TSGA10: variants seen among roughly 807,000 people sequenced by gnomAD.
The protein encoded by TSGA10 is testis-specific gene 10 protein.
TSGA10 carries 43 observed loss-of-function variants against 96.6 expected under a neutral mutation model. The ratio of observed to expected loss-of-function variants is 0.44; its 90% confidence interval spans 0.35 to 0.57. The LOEUF (loss-of-function observed/expected upper bound fraction) is 0.57, where lower values mean the gene tolerates loss of function less well. Among genes scored for constraint, TSGA10 ranks in the 20% least tolerant of loss-of-function variants. The probability of loss-of-function intolerance (pLI) is 0.01; values close to 1 mark genes in which losing one functional copy is unlikely to be tolerated. For missense variants in TSGA10, 703 were observed against 834.4 expected, an observed-to-expected ratio of 0.84 and a Z score of 1.94; for synonymous variants, 229 against 269.9, an observed-to-expected ratio of 0.85 and a Z score of 1.48.
At chr2:99,118,491 G>A (rs1026205068) in intron 3 of TSGA10, 60 bp downstream of exon 3, 6 of 522,732 alleles carry the variant, frequency 1.1e-5, no homozygotes, top group South Asian at 8.3e-5. Context: ...ATATATATAC[G>A]TATATATATG....
At chr2:99,081,231 G>C (rs779875840) in intron 11 of TSGA10, 51 bp downstream of exon 11, 1 of 1,048,624 alleles carries the variant, frequency 9.5e-7, no homozygotes, top group Non-Finnish European at 1.4e-6. Flanking sequence ...ATACATCTTT[G>C]CTACCAAACT....
chr2:99,036,400 T>G (rs2081629751), intron 16 of TSGA10, among the ~76,000 whole-genome samples: 1 of 152,152 alleles, frequency 6.6e-6, no homozygotes, highest in South Asian at 2.1e-4. Context: ...TCACTGTGGC[T>G]AGGTACATAT....
At chr2:99,067,793 GC>G (rs1483901537) in intron 15 of TSGA10, among the ~76,000 whole-genome samples, 2 of 151,602 alleles carry the variant, frequency 1.3e-5, no homozygotes, top group African/African-American at 4.9e-5. Flanking sequence ...GTTGCAGTGA[GC>G]CACGATTGCA....
chr2:99,090,778 T>C (rs2089231659), intron 10 of TSGA10, among the ~76,000 whole-genome samples: 1 of 152,244 alleles, frequency 6.6e-6, no homozygotes, highest in South Asian at 2.1e-4. Flanking sequence ...TTGGATTATG[T>C]TAAACAACCA....
At chr2:99,040,337 C>G (rs191881079) in intron 16 of TSGA10, among the ~76,000 whole-genome samples, 1 of 152,022 alleles carries the variant, frequency 6.6e-6, no homozygotes, top group Admixed American at 6.6e-5. Flanking sequence ...TGTCACTGTT[C>G]GCCAATTATA....
intron 12 of TSGA10, among the ~76,000 whole-genome samples, chr2:99,077,937 C>T (rs919286721): frequency 8.6e-5 from 13 of 151,882 alleles, no homozygotes; most frequent in Non-Finnish European, 1.5e-4. Flanking sequence ...TATTCACCAG[C>T]CCTATATGAT....
rs369236689 is a variant in TSGA10, at chr2:99,069,003, GA to G, written c.1108-6del. 1.0e-5 allele frequency: 14 copies of G among 1,395,340 alleles called. No individual in the cohort carries two copies. Among genetic ancestry groups the G allele is most frequent in the South Asian group, 5.3e-5 (3 of 56,220 alleles). The allele number at this position is 1,395,340 out of a possible 1,614,324, so 86.4% of individuals were successfully genotyped here. Reference sequence around the variant, plus strand: ...ATTCAATTTTTTGGACAGTGCCTACGAAAAAAAGATAGGTATATTTGACTAT... The same window carrying G: ...ATTCAATTTTTTGGACAGTGCCTACGAAAAAAGATAGGTATATTTGACTAT... On this transcript the variant is annotated splice_region_variant and splice_polypyrimidine_tract_variant and intron_variant, in intron 14 of 20. Transcript: ENST00000393483.
At chr2:99,045,787 G>A (rs1194190705) in intron 16 of TSGA10, among the ~76,000 whole-genome samples, 3 of 152,154 alleles carry the variant, frequency 2.0e-5, no homozygotes, top group Non-Finnish European at 2.9e-5. Flanking sequence ...ACACAGACTG[G>A]CAAATTTGAT....
At chr2:99,150,395 C>T in intron 1 of TSGA10, 1 of 726,196 alleles carries the variant, frequency 1.4e-6, no homozygotes, top group African/African-American at 1.8e-5. Flanking sequence ...TTTCTAGTAT[C>T]ACCACAGCTT....
chr2:99,054,235 A>G (rs1384200855), intron 16 of TSGA10, among the ~76,000 whole-genome samples: 1 of 152,204 alleles, frequency 6.6e-6, no homozygotes, highest in Non-Finnish European at 1.5e-5. Context: ...ATTTACAGTC[A>G]ATTGACCTTT....
intron 10 of TSGA10, 132 bp downstream of exon 10, chr2:99,103,835 T>A (rs1246595484): frequency 9.4e-7 from 1 of 1,060,750 alleles, no homozygotes; most frequent in African/African-American, 1.6e-5. Context: ...GTGCCAAGGG[T>A]TCCTACAACT....
intron 1 of TSGA10, among the ~76,000 whole-genome samples, chr2:99,146,568 T>C (rs1023424493): frequency 2.0e-5 from 3 of 152,208 alleles, no homozygotes; most frequent in Admixed American, 6.5e-5. Flanking sequence ...GTAACAGATA[T>C]TTTCTTCTAT....
intron 16 of TSGA10, among the ~76,000 whole-genome samples, chr2:99,055,007 G>T (rs1244870278): frequency 1.3e-5 from 2 of 152,102 alleles, no homozygotes; most frequent in Admixed American, 6.5e-5. Context: ...CCCACTTCTG[G>T]ATATACATCC....
At chr2:99,035,878 T>G (rs991633500) in intron 16 of TSGA10, among the ~76,000 whole-genome samples, 1 of 152,136 alleles carries the variant, frequency 6.6e-6, no homozygotes, top group Non-Finnish European at 1.5e-5. Context: ...TTGACTGGCA[T>G]GTCAATTTCA....
At chr2:99,013,097 T>C (rs970618614) in intron 20 of TSGA10, among the ~76,000 whole-genome samples, 1 of 152,144 alleles carries the variant, frequency 6.6e-6, no homozygotes, top group East Asian at 1.9e-4. Flanking sequence ...GTTTCTCTAG[T>C]TCCTTCAGGT....
At chr2:99,004,364 G>T (rs1271208271) in intron 20 of TSGA10, among the ~76,000 whole-genome samples, 4 of 151,928 alleles carry the variant, frequency 2.6e-5, no homozygotes, top group Non-Finnish European at 5.9e-5. Flanking sequence ...AATTCTACCA[G>T]AGGTACAAAG....
intron 16 of TSGA10, among the ~76,000 whole-genome samples, chr2:99,054,608 T>C (rs1401592771): frequency 1.3e-5 from 2 of 152,100 alleles, no homozygotes; most frequent in South Asian, 2.1e-4. Context: ...ACCATACAGC[T>C]GATAAGGGCT....
intron 16 of TSGA10, among the ~76,000 whole-genome samples, chr2:99,049,251 A>G (rs145343904): frequency 0.011 from 1,631 of 152,320 alleles, 9 homozygotes; most frequent in Middle Eastern, 0.027. Context: ...AAGGATTACA[A>G]ATCATGCTAC....
chr2:99,145,431 C>G (rs1471228338), intron 1 of TSGA10, among the ~76,000 whole-genome samples: 1 of 151,978 alleles, frequency 6.6e-6, no homozygotes, highest in African/African-American at 2.4e-5. Flanking sequence ...TGGTGGCAGG[C>G]ACCTGTAATC....
Sources: gnomAD v4.1 joint callset for allele counts (sites outside exome capture counted in the v4.1 genomes callset) on GRCh38, gnomAD v4.1.1 for gene constraint, MANE v1.5 for transcripts, NCBI Gene and HGNC (gene_info 2026-07-23, HGNC 2026-07-21) for gene names.